DPYD: variants seen among roughly 807,000 people sequenced by gnomAD.
The protein encoded by DPYD is dihydropyrimidine dehydrogenase [NADP(+)].
Under a neutral mutation model 116.2 loss-of-function variants are expected in DPYD, and 109 were observed. That is an observed-to-expected ratio of 0.94 (90% CI 0.80 to 1.10). The LOEUF (loss-of-function observed/expected upper bound fraction) is 1.10, where lower values mean the gene tolerates loss of function less well. DPYD is among the 50% of genes least tolerant of loss of function. DPYD has a pLI of 0.00. For synonymous variants in DPYD, 440 were observed against 432.0 expected, an observed-to-expected ratio of 1.02 and a Z score of -0.23; for missense variants, 1,302 against 1,254.5, an observed-to-expected ratio of 1.04 and a Z score of -0.57.
At chr1:97,562,930 G>A (rs533054152) in intron 11 of DPYD, among the ~76,000 whole-genome samples, 8 of 152,076 alleles carry the variant, frequency 5.3e-5, no homozygotes, top group Admixed American at 3.9e-4. Context: ...ATGTTGGCCA[G>A]CTGGTCTCAA....
At chr1:97,544,507 C>A (rs998020084) in intron 12 of DPYD, among the ~76,000 whole-genome samples, 1 of 152,106 alleles carries the variant, frequency 6.6e-6, no homozygotes, top group Non-Finnish European at 1.5e-5. Context: ...AAAGCACATG[C>A]ATGTTTTCTT....
chr1:97,173,482 A>G (rs1657016146), intron 20 of DPYD, among the ~76,000 whole-genome samples: 1 of 150,926 alleles, frequency 6.6e-6, no homozygotes, highest in African/African-American at 2.4e-5. Context: ...TAATGTGTAT[A>G]TATATACACG....
intron 1 of DPYD, among the ~76,000 whole-genome samples, chr1:97,904,231 GA>G (rs1206142157): frequency 6.6e-6 from 1 of 151,826 alleles, no homozygotes; most frequent in Non-Finnish European, 1.5e-5. Flanking sequence ...TATCATGATG[GA>G]AATCAAACAC....
At chr1:97,276,931 C>G (rs1287503103) in intron 18 of DPYD, among the ~76,000 whole-genome samples, 3 of 152,116 alleles carry the variant, frequency 2.0e-5, no homozygotes, top group Non-Finnish European at 4.4e-5. Flanking sequence ...GCACTATTCA[C>G]CATAGCAAAG....
intron 12 of DPYD, among the ~76,000 whole-genome samples, chr1:97,517,810 A>ATAGCATAAC (rs1648340195): frequency 6.6e-6 from 1 of 152,148 alleles, no homozygotes; most frequent in African/African-American, 2.4e-5. Context: ...TTTGATGGCA[A>ATAGCATAAC]TAGCATAACT....
At chr1:97,132,492 T>C (rs894599493) in intron 20 of DPYD, among the ~76,000 whole-genome samples, 1 of 152,172 alleles carries the variant, frequency 6.6e-6, no homozygotes, top group Non-Finnish European at 1.5e-5. Flanking sequence ...ATAAACATTT[T>C]GTCTTTATAT....
chr1:97,088,642 G>A (rs1305323413), intron 21 of DPYD, among the ~76,000 whole-genome samples: 1 of 151,958 alleles, frequency 6.6e-6, no homozygotes, highest in Non-Finnish European at 1.5e-5. Flanking sequence ...CCACCCTGAG[G>A]TTTGTGGATT....
intron 8 of DPYD, among the ~76,000 whole-genome samples, chr1:97,596,039 G>A (rs149753878): frequency 3.9e-5 from 6 of 152,014 alleles, no homozygotes; most frequent in Admixed American, 1.3e-4. Flanking sequence ...ACTGACACAT[G>A]CAAATAAAGG....
chr1:97,807,279 A>C (rs1033081913), intron 3 of DPYD, among the ~76,000 whole-genome samples: 3 of 152,062 alleles, frequency 2.0e-5, no homozygotes, highest in African/African-American at 7.2e-5. Flanking sequence ...ATTCCCAGCA[A>C]AAATGAATGA....
At chr1:97,694,468 C>T (rs765644312) in intron 6 of DPYD, among the ~76,000 whole-genome samples, 2 of 152,142 alleles carry the variant, frequency 1.3e-5, no homozygotes, top group Non-Finnish European at 2.9e-5. Context: ...TGTCTTAGGA[C>T]TTTAAAATAT....
chr1:97,332,178 G>T (rs188638746), intron 16 of DPYD, among the ~76,000 whole-genome samples: 8 of 152,288 alleles, frequency 5.3e-5, no homozygotes. Flanking sequence ...GTAATCTGAA[G>T]TCTGAGCTGC....
At chr1:97,226,843 C>T (rs1661201346) in intron 19 of DPYD, among the ~76,000 whole-genome samples, 1 of 152,064 alleles carries the variant, frequency 6.6e-6, no homozygotes, top group African/African-American at 2.4e-5. Context: ...AAACATTCCA[C>T]TGGCATTTTT....
intron 1 of DPYD, among the ~76,000 whole-genome samples, chr1:97,918,256 T>C (rs1674327343): frequency 6.6e-6 from 1 of 152,198 alleles, no homozygotes; most frequent in Admixed American, 6.5e-5. Flanking sequence ...ACTTGTGACA[T>C]TTGTTTATTA....
At chr1:97,471,594 C>CA (rs1677659359) in intron 13 of DPYD, among the ~76,000 whole-genome samples, 1 of 142,600 alleles carries the variant, frequency 7.0e-6, no homozygotes, top group South Asian at 2.2e-4. Context: ...TCCCACTTTC[C>CA]TTTTTTTTTT....
At chr1:97,141,241 C>G (rs190747545) in intron 20 of DPYD, among the ~76,000 whole-genome samples, 1 of 152,220 alleles carries the variant, frequency 6.6e-6, no homozygotes, top group South Asian at 2.1e-4. Context: ...AAGCGAGGCA[C>G]GAGGTGCATA....
rs369044951 is a variant in DPYD, at chr1:97,098,479, T to A, written c.2766+10A>T. On this transcript the variant is annotated intron_variant, in intron 21 of 22. Coordinates refer to ENST00000370192, the MANE Select transcript of DPYD (RefSeq NM_000110.4). ...AGTAGGCATACTTATATAGTTGGCA[T>A]AATTTTTACCTTGATGGTAGGAATA... The A allele has an allele frequency of 6.6e-5, 107 of 1,612,060 alleles. No individual in the cohort carries two copies. The highest frequency in any genetic ancestry group is 8.4e-5 in the Non-Finnish European group (99 of 1,178,878).
intron 3 of DPYD, among the ~76,000 whole-genome samples, chr1:97,815,400 A>C (rs1262745610): frequency 6.6e-6 from 1 of 152,212 alleles, no homozygotes; most frequent in Non-Finnish European, 1.5e-5. Context: ...AGACATTGAA[A>C]AGAGGAGGAC....
intron 1 of DPYD, among the ~76,000 whole-genome samples, chr1:97,907,748 C>T (rs1355905578): frequency 6.6e-6 from 1 of 151,884 alleles, no homozygotes; most frequent in Non-Finnish European, 1.5e-5. Context: ...TCCTTTCTTC[C>T]TTCCACAAAT....
At chr1:97,192,969 G>T (rs1658484576) in intron 20 of DPYD, 100 bp downstream of exon 20, 5 of 1,351,846 alleles carry the variant, frequency 3.7e-6, no homozygotes, top group Non-Finnish European at 4.2e-6. Context: ...AGGAGGCACT[G>T]TGTTTCCTTT....
Sources: allele counts gnomAD v4.1 joint callset (sites outside exome capture counted in the v4.1 genomes callset), GRCh38; gene constraint gnomAD v4.1.1; transcripts MANE v1.5; gene names NCBI Gene and HGNC (gene_info 2026-07-23, HGNC 2026-07-21).